The following SIL1 variants were observed in gnomAD, a reference collection of about 807,000 sequenced individuals.
SIL1 encodes nucleotide exchange factor SIL1.
SIL1 carries 40 observed loss-of-function variants against 49.1 expected under a neutral mutation model. That is an observed-to-expected ratio of 0.81 (90% CI 0.63 to 1.06). The LOEUF is 1.06. Ranked by LOEUF, SIL1 falls within the 50% of genes least tolerant of loss-of-function variation. The pLI is 0.00. For missense variants in SIL1, 500 were observed against 572.6 expected, an observed-to-expected ratio of 0.87 and a Z score of 1.29; for synonymous variants, 253 against 250.8, an observed-to-expected ratio of 1.01 and a Z score of -0.08.
In SIL1 at chr5:139,078,377, TA is replaced by T. The variant is rs961137633; in HGVS notation, c.245-27332del. Among the ~76,000 whole-genome samples the T allele has an allele frequency of 9.8e-4, 146 of 148,302 alleles. 1 individual carries two copies. The highest frequency in any genetic ancestry group is 3.5e-3 in the Middle Eastern group (1 of 288). On this transcript the variant is annotated intron_variant, in intron 3 of 9. Transcript: ENST00000394817. ...TCTCATTCCAGGTTTCAAAGGAATT[TA>T]AAAAAAAAAGGGGAGGCCTTAATTT... is the stretch of plus-strand genomic sequence containing the variant.
Position 139,038,719 on chromosome 5 carries a change from C to T in SIL1, c.453+3901G>A, listed in dbSNP as rs150334330. On this transcript the variant is annotated intron_variant, in intron 5 of 9. Transcript: ENST00000394817. ...TGGAAGTCTAGGTTCCTCCCTGGGC[C>T]TCTACTGACACCACTTTGGCGGGAG... Among the ~76,000 whole-genome samples, 7 of 152,348 alleles carry T rather than the reference C, an allele frequency of 4.6e-5. No individual in the cohort carries two copies. The East Asian group carries it at 1.3e-3, about 29-fold the overall frequency.
chr5:139,057,314 T>TTAAAAAAAAAAAAAAAAAAAAAAAAAAA (rs781049621), intron 3 of SIL1, among the ~76,000 whole-genome samples: 2 of 73,390 alleles, frequency 2.7e-5, no homozygotes, highest in Non-Finnish European at 5.6e-5. Flanking sequence ...GAATGATCAA[T>TTAAAAAAAAAAAAAAAAAAAAAAAAAAA]AAAAAAAAAA....
chr5:138,979,180 T>C (rs771496713), intron 7 of SIL1, among the ~76,000 whole-genome samples: 207 of 152,076 alleles, frequency 1.4e-3, no homozygotes, highest in Non-Finnish European at 2.4e-3. Context: ...TTCTCCTGCC[T>C]CAGCCTCTCA....
rs138920876 is a variant in SIL1, at chr5:138,955,376, C to T, written c.768-3492G>A. 7.2e-3 allele frequency among the ~76,000 whole-genome samples: 1,100 copies of T among 152,278 alleles called. 7 individuals are homozygous for T. The highest frequency in any genetic ancestry group is 0.011 in the Non-Finnish European group (756 of 68,010). On this transcript the variant is annotated intron_variant, in intron 7 of 9. Transcript: ENST00000394817. The stretch of plus-strand genomic sequence containing the variant: ...AGTCAGCTGTCTGTGTGCAGAGGGA[C>T]GACAGCAGCTGCTACTCTGTAAATC...
At chr5:139,099,701 A>C (rs1207173715) in intron 3 of SIL1, among the ~76,000 whole-genome samples, 1 of 152,242 alleles carries the variant, frequency 6.6e-6, no homozygotes, top group African/African-American at 2.4e-5. Flanking sequence ...ATATGTTCTT[A>C]CTTATTTGTG....
At chr5:139,085,215 A>G (rs1770188788) in intron 3 of SIL1, among the ~76,000 whole-genome samples, 1 of 152,222 alleles carries the variant, frequency 6.6e-6, no homozygotes, top group Middle Eastern at 3.2e-3. Flanking sequence ...GGGCACAATC[A>G]GGGGAAACAG....
chr5:139,182,184 GAGCAGGCAAGCC>G (rs1264869032), intron 1 of SIL1, among the ~76,000 whole-genome samples: 1 of 152,144 alleles, frequency 6.6e-6, no homozygotes, highest in African/African-American at 2.4e-5. Flanking sequence ...CATTGCTTGG[GAGCAGGCAAGCC>G]AGCAGGCAAG....
At chr5:138,954,336 A>G (rs1320698415) in intron 7 of SIL1, among the ~76,000 whole-genome samples, 20 of 152,268 alleles carry the variant, frequency 1.3e-4, no homozygotes, top group Admixed American at 1.3e-3. Context: ...CCATGGGCCA[A>G]ACATGGGCTG....
intron 7 of SIL1, among the ~76,000 whole-genome samples, chr5:139,005,017 C>A (rs937941455): frequency 4.6e-5 from 7 of 152,136 alleles, no homozygotes; most frequent in Admixed American, 2.6e-4. Context: ...TCAAAGGATA[C>A]GAAATTTCAG....
chr5:138,977,925 A>C (rs1767427251), intron 7 of SIL1, among the ~76,000 whole-genome samples: 1 of 152,190 alleles, frequency 6.6e-6, no homozygotes, highest in Non-Finnish European at 1.5e-5. Flanking sequence ...CCTAATGTAC[A>C]TATGGCTGAC....
At chr5:139,043,502 C>T (rs996117928) in intron 4 of SIL1, among the ~76,000 whole-genome samples, 1 of 152,198 alleles carries the variant, frequency 6.6e-6, no homozygotes, top group African/African-American at 2.4e-5. Context: ...ACCATAAGAC[C>T]AACCTATGAG....
intron 1 of SIL1, among the ~76,000 whole-genome samples, chr5:139,181,811 ATG>A (rs769366036): frequency 2.4e-4 from 36 of 152,204 alleles, no homozygotes; most frequent in Non-Finnish European, 4.6e-4. Context: ...TAGAAAAAAG[ATG>A]TGAGATTCTT....
intron 3 of SIL1, among the ~76,000 whole-genome samples, chr5:139,096,612 G>A (rs766074039): frequency 6.6e-5 from 10 of 151,464 alleles, no homozygotes; most frequent in Non-Finnish European, 1.5e-4. Context: ...CTTGAATACC[G>A]GCTCAGCCAC....
chr5:139,001,154 C>G (rs1767976759), intron 7 of SIL1, among the ~76,000 whole-genome samples: 1 of 151,984 alleles, frequency 6.6e-6, no homozygotes, highest in African/African-American at 2.4e-5. Context: ...GATACTATAC[C>G]ATACCCATCA....
intron 1 of SIL1, among the ~76,000 whole-genome samples, chr5:139,186,658 T>C (rs1752081786): frequency 6.6e-6 from 1 of 152,132 alleles, no homozygotes; most frequent in Non-Finnish European, 1.5e-5. Flanking sequence ...AACATCTGAG[T>C]TGGAGACTCC....
At chr5:138,982,594 G>A (rs1244348530) in intron 7 of SIL1, among the ~76,000 whole-genome samples, 3 of 152,312 alleles carry the variant, frequency 2.0e-5, no homozygotes, top group East Asian at 1.9e-4. Flanking sequence ...GCAGGAGCAG[G>A]AGAATATTCC....
intron 5 of SIL1, among the ~76,000 whole-genome samples, chr5:139,027,239 C>T (rs935130843): frequency 2.5e-4 from 38 of 152,170 alleles, no homozygotes; most frequent in African/African-American, 9.2e-4. Context: ...TATTCAAGTC[C>T]GATTTCCAAT....
chr5:139,158,313 C>T (rs1167562877), intron 1 of SIL1, among the ~76,000 whole-genome samples: 1 of 152,234 alleles, frequency 6.6e-6, no homozygotes, highest in African/African-American at 2.4e-5. Flanking sequence ...ACAAATTACA[C>T]ATCTTTGGGT....
intron 7 of SIL1, among the ~76,000 whole-genome samples, chr5:138,960,523 A>G (rs944572441): frequency 1.3e-5 from 2 of 150,224 alleles, no homozygotes; most frequent in African/African-American, 4.9e-5. Flanking sequence ...CCCAGAACTC[A>G]AGCTTAATTC....
Sources: allele counts gnomAD v4.1 joint callset (sites outside exome capture counted in the v4.1 genomes callset), GRCh38; gene constraint gnomAD v4.1.1; transcripts MANE v1.5; gene names NCBI Gene and HGNC (gene_info 2026-07-23, HGNC 2026-07-21).